The following SGCD variants were observed in gnomAD, a reference collection of about 807,000 sequenced individuals.
SGCD encodes delta-sarcoglycan.
In SGCD, 18 loss-of-function variants were observed where a neutral mutation model predicts 36.6. The observed-to-expected ratio is 0.49, with a 90% CI of 0.34 to 0.73. SGCD has a LOEUF of 0.73. Among genes scored for constraint, SGCD ranks in the 30% least tolerant of loss-of-function variants. The pLI, the probability that SGCD is intolerant of heterozygous loss-of-function variation, is 0.01. For missense variants in SGCD, 387 were observed against 346.7 expected (o/e 1.12, Z -0.92); for synonymous variants, 133 against 130.6 (o/e 1.02, Z -0.12).
At chr5:156,035,162 C>T (rs967622717) in intron 1 of SGCD, among the ~76,000 whole-genome samples, 2 of 152,148 alleles carry the variant, frequency 1.3e-5, no homozygotes, top group Non-Finnish European at 2.9e-5. Context: ...CTCGGTGAGT[C>T]TGTTTGTTTT....
intron 3 of SGCD, among the ~76,000 whole-genome samples, chr5:156,428,325 T>A (rs535631697): frequency 6.6e-6 from 1 of 152,288 alleles, no homozygotes; most frequent in African/African-American, 2.4e-5. Flanking sequence ...TTTATGTGCA[T>A]AAAGGTGTTC....
At chr5:155,916,980 AT>A (rs1756757378) in intron 1 of SGCD, among the ~76,000 whole-genome samples, 1 of 152,134 alleles carries the variant, frequency 6.6e-6, no homozygotes, top group Non-Finnish European at 1.5e-5. Flanking sequence ...AAACTGTGAC[AT>A]TCTTGCTCTC....
chr5:156,319,741 A>C (rs1454909748), intron 3 of SGCD, among the ~76,000 whole-genome samples: 1 of 152,212 alleles, frequency 6.6e-6, no homozygotes, highest in Non-Finnish European at 1.5e-5. Flanking sequence ...TGTGATTTTG[A>C]CCATATCACG....
At chr5:156,569,291 CA>C (rs547518506) in intron 4 of SGCD, among the ~76,000 whole-genome samples, 3 of 149,930 alleles carry the variant, frequency 2.0e-5, no homozygotes, top group African/African-American at 7.3e-5. Context: ...AGGAGACAGA[CA>C]AAAAAAAATA....
chr5:156,438,340 A>C (rs1753333714), intron 3 of SGCD, among the ~76,000 whole-genome samples: 1 of 152,110 alleles, frequency 6.6e-6, no homozygotes, highest in African/African-American at 2.4e-5. Flanking sequence ...AGGACCTATT[A>C]TTCTGTGTGG....
intron 3 of SGCD, among the ~76,000 whole-genome samples, chr5:156,277,718 C>T (rs1487715892): frequency 6.6e-6 from 1 of 152,100 alleles, no homozygotes; most frequent in Non-Finnish European, 1.5e-5. Flanking sequence ...TTGTTTTTGC[C>T]TCAGTGAATA....
chr5:156,274,036 G>A (rs1766251915), intron 3 of SGCD, among the ~76,000 whole-genome samples: 1 of 151,984 alleles, frequency 6.6e-6, no homozygotes, highest in Non-Finnish European at 1.5e-5. Flanking sequence ...TGCATCCCCA[G>A]GGGGCTGTAC....
intron 3 of SGCD, among the ~76,000 whole-genome samples, chr5:156,233,280 G>T (rs1235801641): frequency 6.6e-6 from 1 of 152,218 alleles, no homozygotes; most frequent in African/African-American, 2.4e-5. Flanking sequence ...TTGCAGTAAA[G>T]TATAATAAAA....
intron 3 of SGCD, among the ~76,000 whole-genome samples, chr5:156,245,851 C>T (rs527594608): frequency 5.9e-5 from 9 of 152,082 alleles, no homozygotes; most frequent in Non-Finnish European, 1.2e-4. Context: ...GTGTGCATTA[C>T]AAATTGTACA....
intron 7 of SGCD, among the ~76,000 whole-genome samples, chr5:156,674,001 A>G (rs1319405596): frequency 6.6e-6 from 1 of 152,172 alleles, no homozygotes; most frequent in African/African-American, 2.4e-5. Context: ...TCTTTGGGAA[A>G]TGATGAAAAT....
chr5:156,631,979 A>G (rs142698217), intron 6 of SGCD, among the ~76,000 whole-genome samples: 1 of 152,320 alleles, frequency 6.6e-6, no homozygotes, highest in Non-Finnish European at 1.5e-5. Flanking sequence ...ACAAAGCAAA[A>G]TTATTCTAGT....
At position 156,339,593 on chromosome 5, in the gene SGCD, A is replaced by G. The variant is rs78311447; in HGVS notation, c.4-4896A>G. ...CTTTATTTCCATTAAAACAAACATG[A>G]CAATAAAGTGAATCACATAAATGTT... On this transcript the variant is annotated intron_variant, in intron 2 of 8. Coordinates refer to ENST00000337851, the MANE Select transcript of SGCD (RefSeq NM_000337.6). Among the ~76,000 whole-genome samples the G allele has an allele frequency of 8.6e-3, 1,306 of 152,328 alleles. 21 individuals are homozygous for G. Among genetic ancestry groups the G allele is most frequent in the African/African-American group, 0.03 (1,228 of 41,574 alleles).
At chr5:156,175,163 G>A (rs1435537418) in intron 3 of SGCD, among the ~76,000 whole-genome samples, 2 of 152,100 alleles carry the variant, frequency 1.3e-5, no homozygotes, top group African/African-American at 4.8e-5. Context: ...GGTGAATAGA[G>A]AAAAGAGACT....
intron 3 of SGCD, among the ~76,000 whole-genome samples, chr5:156,367,696 T>C (rs1580882051): frequency 1.3e-5 from 2 of 152,298 alleles, no homozygotes; most frequent in African/African-American, 4.8e-5. Flanking sequence ...GTGGCAGCCC[T>C]GTGGAATGGT....
intron 1 of SGCD, among the ~76,000 whole-genome samples, chr5:155,879,582 G>A (rs535481993): frequency 1.3e-5 from 2 of 152,054 alleles, no homozygotes; most frequent in East Asian, 3.8e-4. Context: ...CTTCTAAAAA[G>A]CCTAATTGTA....
At chr5:156,233,820 G>A (rs1210409025) in intron 3 of SGCD, among the ~76,000 whole-genome samples, 2 of 152,178 alleles carry the variant, frequency 1.3e-5, no homozygotes, top group East Asian at 3.9e-4. Flanking sequence ...AGGAGGTTGA[G>A]GCTGCAGTGA....
intron 1 of SGCD, among the ~76,000 whole-genome samples, chr5:156,106,438 A>C (rs1761651654): frequency 6.6e-6 from 1 of 152,230 alleles, no homozygotes; most frequent in South Asian, 2.1e-4. Flanking sequence ...GATGTGAAGC[A>C]GGTGTGTTTT....
At chr5:156,137,865 A>C (rs919814225) in intron 3 of SGCD, among the ~76,000 whole-genome samples, 1 of 152,200 alleles carries the variant, frequency 6.6e-6, no homozygotes, top group Non-Finnish European at 1.5e-5. Flanking sequence ...AAATTTCACC[A>C]GCTACAGCAA....
chr5:155,733,266 AGT>A, the SGCD span, among the ~76,000 whole-genome samples: 1 of 152,150 alleles, frequency 6.6e-6, no homozygotes. Flanking sequence ...AGAATAGATC[AGT>A]GCCTCATTCT....
Sources: allele counts gnomAD v4.1 joint callset (sites outside exome capture counted in the v4.1 genomes callset), GRCh38; gene constraint gnomAD v4.1.1; transcripts MANE v1.5; gene names NCBI Gene and HGNC (gene_info 2026-07-23, HGNC 2026-07-21).